The following AK5 variants were observed in gnomAD, a reference collection of about 807,000 sequenced individuals.
The protein encoded by AK5 is adenylate kinase 5.
Under a neutral mutation model 69.5 loss-of-function variants are expected in AK5, and 27 were observed. That is an observed-to-expected ratio of 0.39 (90% CI 0.29 to 0.54). AK5 has a LOEUF of 0.54. Among genes scored for constraint, AK5 ranks in the 20% least tolerant of loss-of-function variants. AK5 has a pLI of 0.71. For missense variants in AK5, 531 were observed against 700.4 expected (o/e 0.76, Z 2.73); for synonymous variants, 260 against 244.4 (o/e 1.06, Z -0.60).
At chr1:77,446,384 C>T (rs1447370346) in intron 8 of AK5, among the ~76,000 whole-genome samples, 1 of 152,114 alleles carries the variant, frequency 6.6e-6, no homozygotes, top group African/African-American at 2.4e-5. Context: ...TTTGTTTTTC[C>T]TCTCAGAATT....
chr1:77,487,417 C>A (rs1179848032), intron 10 of AK5, among the ~76,000 whole-genome samples: 1 of 152,158 alleles, frequency 6.6e-6, no homozygotes, highest in East Asian at 1.9e-4. Flanking sequence ...AAACTTAGTA[C>A]TTTTTCCTCT....
intron 5 of AK5, among the ~76,000 whole-genome samples, chr1:77,321,552 A>G (rs72641174): frequency 0.14 from 20,697 of 152,212 alleles, 1,645 homozygotes; most frequent in East Asian, 0.37. Context: ...ATTTGACAAC[A>G]TTGAACATAA....
At chr1:77,435,844 T>C (rs1043053281) in intron 8 of AK5, among the ~76,000 whole-genome samples, 13 of 152,206 alleles carry the variant, frequency 8.5e-5, no homozygotes, top group Admixed American at 2.6e-4. Flanking sequence ...GTTATGTATA[T>C]AATCCTTAAT....
chr1:77,532,940 C>G (rs1379617420), intron 12 of AK5, among the ~76,000 whole-genome samples: 1 of 152,186 alleles, frequency 6.6e-6, no homozygotes, highest in African/African-American at 2.4e-5. Context: ...AACCAGACAG[C>G]TACTCCAAGG....
chr1:77,483,127 C>G (rs1655374673), intron 8 of AK5, among the ~76,000 whole-genome samples, 190 bp from the exon 9 acceptor site: 1 of 150,682 alleles, frequency 6.6e-6, no homozygotes, highest in African/African-American at 2.4e-5. Flanking sequence ...CCCTCACTAC[C>G]CTGTCACCTT....
chr1:77,409,278 C>T (rs960953944), intron 6 of AK5, among the ~76,000 whole-genome samples: 14 of 152,138 alleles, frequency 9.2e-5, no homozygotes, highest in African/African-American at 3.1e-4. Flanking sequence ...GGTATATGCC[C>T]AGTAATGGGG....
intron 12 of AK5, among the ~76,000 whole-genome samples, chr1:77,533,509 C>CAAAAA (rs10526328): frequency 2.1e-5 from 2 of 94,974 alleles, no homozygotes; most frequent in South Asian, 3.5e-4. Flanking sequence ...ACTCTGTCAC[C>CAAAAA]AAAAAAAAAA....
intron 8 of AK5, among the ~76,000 whole-genome samples, chr1:77,476,836 A>G (rs1654965032): frequency 6.6e-6 from 1 of 152,114 alleles, no homozygotes; most frequent in Non-Finnish European, 1.5e-5. Context: ...CACTCTAAGT[A>G]CTACTGAAAT....
At position 77,422,951 on chromosome 1, in the gene AK5, C is replaced by T. The variant is rs534707982; in HGVS notation, c.1059+5236C>T. On this transcript the variant is annotated intron_variant, in intron 8 of 13. Coordinates refer to ENST00000354567, the MANE Select transcript of AK5 (RefSeq NM_174858.3). ...GTACTGTTGGCTGGGTGCGGTGGCT[C>T]ACGCCTGTAATCCCAGCACTTTGGG... Among the ~76,000 whole-genome samples, 3 of 152,180 alleles carry T rather than the reference C, an allele frequency of 2.0e-5. No individual in the cohort carries two copies. In the South Asian group the frequency reaches 6.2e-4, roughly 32 times the overall value.
intron 5 of AK5, among the ~76,000 whole-genome samples, chr1:77,308,622 G>A (rs1166824614): frequency 2.6e-5 from 4 of 152,054 alleles, no homozygotes; most frequent in African/African-American, 9.7e-5. Context: ...CCTAAGCGAT[G>A]TGTTTTTAAA....
At chr1:77,333,554 C>A (rs912627357) in intron 5 of AK5, among the ~76,000 whole-genome samples, 1 of 149,352 alleles carries the variant, frequency 6.7e-6, no homozygotes, top group Admixed American at 6.7e-5. Context: ...TCCCCCCCAC[C>A]ATGCTAGTTG....
At chr1:77,300,338 G>A (rs1659264143) in intron 5 of AK5, among the ~76,000 whole-genome samples, 1 of 152,166 alleles carries the variant, frequency 6.6e-6, no homozygotes, top group Non-Finnish European at 1.5e-5. Context: ...CACTTCTGAG[G>A]CTGAAAAGTT....
chr1:77,307,920 T>C (rs547926810), intron 5 of AK5, among the ~76,000 whole-genome samples: 1 of 152,348 alleles, frequency 6.6e-6, no homozygotes, highest in Non-Finnish European at 1.5e-5. Flanking sequence ...GTGTTTTTTC[T>C]ATATAGATAG....
chr1:77,535,809 A>T (rs778835278), intron 12 of AK5, 38 bp from the exon 13 acceptor site: 2 of 1,570,990 alleles, frequency 1.3e-6, no homozygotes, highest in Non-Finnish European at 1.7e-6. Context: ...CAGCAGGGTG[A>T]GGTTTCTGAC....
chr1:77,288,476 A>G (rs1381435907), intron 2 of AK5, among the ~76,000 whole-genome samples: 1 of 152,174 alleles, frequency 6.6e-6, no homozygotes. Flanking sequence ...GCAGGAAGCA[A>G]TCTTAGTTGC....
intron 13 of AK5, among the ~76,000 whole-genome samples, chr1:77,543,708 G>C (rs1279935793): frequency 1.3e-5 from 2 of 152,078 alleles, no homozygotes; most frequent in African/African-American, 4.8e-5. Flanking sequence ...AGCAGTCCAA[G>C]TTTTCAGAAT....
At chr1:77,535,518 G>A (rs1339986778) in intron 12 of AK5, among the ~76,000 whole-genome samples, 4 of 152,178 alleles carry the variant, frequency 2.6e-5, no homozygotes, top group Non-Finnish European at 5.9e-5. Context: ...CTTCACATTA[G>A]AGGAAACACC....
chr1:77,419,158 A>G (rs917784235), intron 8 of AK5, among the ~76,000 whole-genome samples: 10 of 152,180 alleles, frequency 6.6e-5, no homozygotes, highest in Admixed American at 2.0e-4. Flanking sequence ...AGACTGGGCA[A>G]TTTACAAAAG....
chr1:77,376,438 A>AAAAAAACAAAAAAAAAAAC (rs1557542440), intron 6 of AK5, among the ~76,000 whole-genome samples: 1 of 73,516 alleles, frequency 1.4e-5, no homozygotes, highest in African/African-American at 4.7e-5. Context: ...AATGCCAAAA[A>AAAAAAACAAAAAAAAAAAC]AAAAAAAAAA....
Sources: gnomAD v4.1 joint callset for allele counts (sites outside exome capture counted in the v4.1 genomes callset) on GRCh38, gnomAD v4.1.1 for gene constraint, MANE v1.5 for transcripts, NCBI Gene and HGNC (gene_info 2026-07-23, HGNC 2026-07-21) for gene names.